The following CTNNA3 variants were observed in gnomAD, a reference collection of about 807,000 sequenced individuals.
The protein encoded by CTNNA3 is catenin alpha 3.
CTNNA3 carries 76 observed loss-of-function variants against 95.7 expected under a neutral mutation model. That is an observed-to-expected ratio of 0.79 (90% confidence interval 0.66 to 0.96). The LOEUF (loss-of-function observed/expected upper bound fraction) is 0.96, where lower values mean the gene tolerates loss of function less well. CTNNA3 is among the 40% of genes least tolerant of loss of function. The pLI is 0.00. For missense variants in CTNNA3, 1,191 were observed against 1,089.8 expected, an observed-to-expected ratio of 1.09 and a Z score of -1.31; for synonymous variants, 431 against 374.4, an observed-to-expected ratio of 1.15 and a Z score of -1.74.
At chr10:66,187,576 A>C (rs2086410531) in intron 13 of CTNNA3, among the ~76,000 whole-genome samples, 1 of 151,834 alleles carries the variant, frequency 6.6e-6, no homozygotes. Context: ...AAGGTGTACC[A>C]CAACGTGCAC....
chr10:67,082,635 G>A (rs1564879168), intron 7 of CTNNA3, among the ~76,000 whole-genome samples: 1 of 152,068 alleles, frequency 6.6e-6, no homozygotes. Flanking sequence ...GGAGAAAAAA[G>A]GAAACCGTGC....
chr10:67,259,162 A>G (rs77355126), intron 5 of CTNNA3, among the ~76,000 whole-genome samples: 446 of 152,270 alleles, frequency 2.9e-3, no homozygotes, highest in African/African-American at 9.8e-3. Flanking sequence ...CATAATCTTA[A>G]ATGCTCACAT....
At chr10:66,324,660 G>A (rs761533733) in intron 12 of CTNNA3, among the ~76,000 whole-genome samples, 2 of 152,120 alleles carry the variant, frequency 1.3e-5, no homozygotes, top group Non-Finnish European at 2.9e-5. Flanking sequence ...AACTGAACAA[G>A]TGAGCCACAA....
intron 12 of CTNNA3, among the ~76,000 whole-genome samples, chr10:66,365,701 C>T (rs552644377): frequency 1.3e-5 from 2 of 151,874 alleles, no homozygotes; most frequent in South Asian, 2.1e-4. Context: ...ACAGCAAAAG[C>T]GATGGTATGC....
chr10:66,047,932 T>C (rs77685901), intron 15 of CTNNA3, among the ~76,000 whole-genome samples: 1 of 151,492 alleles, frequency 6.6e-6, no homozygotes, highest in South Asian at 2.1e-4. Context: ...AGGTGAAAGA[T>C]CTCTACAAGG....
intron 11 of CTNNA3, among the ~76,000 whole-genome samples, chr10:66,413,186 T>C (rs1419178128): frequency 1.3e-5 from 2 of 152,156 alleles, no homozygotes; most frequent in African/African-American, 2.4e-5. Context: ...AGAGCCTACA[T>C]TACAAACCTC....
chr10:67,395,714 A>G (rs1844683971), intron 5 of CTNNA3, among the ~76,000 whole-genome samples: 2 of 152,212 alleles, frequency 1.3e-5, no homozygotes, highest in Admixed American at 6.5e-5. Context: ...TTATAACAAC[A>G]TATATTCTAA....
chr10:66,364,679 T>G (rs1482735710), intron 12 of CTNNA3, among the ~76,000 whole-genome samples: 2 of 152,180 alleles, frequency 1.3e-5, no homozygotes, highest in African/African-American at 4.8e-5. Flanking sequence ...CAGAGGAACA[T>G]TGAAGATCTC....
chr10:67,023,475 T>G (rs755905575), intron 7 of CTNNA3, among the ~76,000 whole-genome samples: 4 of 152,118 alleles, frequency 2.6e-5, no homozygotes, highest in Non-Finnish European at 5.9e-5. Flanking sequence ...ATGACTAAAA[T>G]CTACCCCTAG....
chr10:66,579,735 A>T (rs190448481), intron 10 of CTNNA3, among the ~76,000 whole-genome samples: 10 of 151,552 alleles, frequency 6.6e-5, no homozygotes, highest in Admixed American at 4.6e-4. Flanking sequence ...ATTTCTGAAG[A>T]GTATTTATTA....
In CTNNA3 at chr10:67,521,913, G is replaced by A. The variant is rs762079013; in HGVS notation, c.508C>T (p.Leu170Phe). Residue 170 changes from leucine (L) to phenylalanine (F), a missense_variant, in exon 5 of 18, where the codon CTC becomes TTC. Coordinates refer to ENST00000433211, the MANE Select transcript of CTNNA3 (RefSeq NM_013266.4). The part of the protein sequence containing the change: ...SLKNVANKSD[L>F]QKTYQKLGKE... The stretch of plus-strand genomic sequence containing the variant: ...CCAAGCTTCTGGTAGGTTTTCTGGA[G>A]GTCAGATTTGTTGGCAACATTTTTG... The A allele has an allele frequency of 8.1e-6, 13 of 1,612,526 alleles. No homozygotes were observed. The South Asian group carries it at 1.4e-4, about 18-fold the overall frequency.
intron 17 of CTNNA3, among the ~76,000 whole-genome samples, chr10:65,942,816 C>A (rs1037966027): frequency 6.6e-6 from 1 of 152,078 alleles, no homozygotes; most frequent in Non-Finnish European, 1.5e-5. Context: ...ATAAAAAAAC[C>A]TAGATTTAAA....
At position 67,460,481 on chromosome 10, in the gene CTNNA3, A is replaced by G. The variant is rs529432840; in HGVS notation, c.579+61361T>C. Among the ~76,000 whole-genome samples the G allele has an allele frequency of 3.3e-5, 5 of 152,302 alleles. No individual in the cohort carries two copies. In the South Asian group the frequency reaches 1.0e-3, roughly 32 times the overall value. ...AGTTGACAATCCAGCTTTTCTATCT[A>G]CCAATCTCAAAAAAAGAGACATACT... On this transcript the variant is annotated intron_variant, in intron 5 of 17. Coordinates refer to ENST00000433211, the MANE Select transcript of CTNNA3 (RefSeq NM_013266.4).
chr10:66,909,536 A>C (rs1295353444), intron 7 of CTNNA3, among the ~76,000 whole-genome samples: 1 of 151,692 alleles, frequency 6.6e-6, no homozygotes, highest in Non-Finnish European at 1.5e-5. Flanking sequence ...TAAATAAATA[A>C]ATAAATCACT....
chr10:66,425,436 G>C (rs766668678), intron 11 of CTNNA3, among the ~76,000 whole-genome samples: 3 of 151,462 alleles, frequency 2.0e-5, no homozygotes, highest in Non-Finnish European at 2.9e-5. Flanking sequence ...TGATTTTCAT[G>C]TGCTCTCTTT....
intron 9 of CTNNA3, among the ~76,000 whole-genome samples, chr10:66,763,634 C>T (rs1279164541): frequency 1.3e-5 from 2 of 152,198 alleles, no homozygotes; most frequent in African/African-American, 4.8e-5. Flanking sequence ...TGTAGTCTCA[C>T]TGCTCCCTTT....
At chr10:67,510,174 A>G (rs2133126623) in intron 5 of CTNNA3, among the ~76,000 whole-genome samples, 1 of 152,256 alleles carries the variant, frequency 6.6e-6, no homozygotes, top group Middle Eastern at 3.4e-3. Context: ...TTTGCTGTGC[A>G]GAAGCTCTTT....
intron 7 of CTNNA3, among the ~76,000 whole-genome samples, chr10:66,940,063 G>A (rs1847916617): frequency 6.6e-6 from 1 of 151,968 alleles, no homozygotes; most frequent in Admixed American, 6.6e-5. Flanking sequence ...TAAGTAGTTA[G>A]GTTTTGTGTT....
At chr10:65,989,284 C>T (rs1258328189) in intron 15 of CTNNA3, among the ~76,000 whole-genome samples, 1 of 152,084 alleles carries the variant, frequency 6.6e-6, no homozygotes, top group Non-Finnish European at 1.5e-5. Flanking sequence ...CACAATCAGA[C>T]TCCAGTATTA....
Sources: gnomAD v4.1 joint callset for allele counts (sites outside exome capture counted in the v4.1 genomes callset) on GRCh38, gnomAD v4.1.1 for gene constraint, MANE v1.5 for transcripts, NCBI Gene and HGNC (gene_info 2026-07-23, HGNC 2026-07-21) for gene names.